The following KCNH1 variants were observed in gnomAD, a reference collection of about 807,000 sequenced individuals.
KCNH1 encodes voltage-gated delayed rectifier potassium channel KCNH1.
Under a neutral mutation model 69.2 loss-of-function variants are expected in KCNH1, and 27 were observed. That is an observed-to-expected ratio of 0.39 (90% CI 0.29 to 0.54). KCNH1 has a LOEUF of 0.54. Among genes scored for constraint, KCNH1 ranks in the 20% least tolerant of loss-of-function variants. The pLI is 0.68. For missense variants in KCNH1, 798 were observed against 1,261.6 expected, an observed-to-expected ratio of 0.63 and a Z score of 5.57; for synonymous variants, 456 against 487.7, an observed-to-expected ratio of 0.93 and a Z score of 0.86.
chr1:210,849,264 T>C (rs1685629440), intron 7 of KCNH1, among the ~76,000 whole-genome samples: 1 of 152,190 alleles, frequency 6.6e-6, no homozygotes, highest in Admixed American at 6.5e-5. Flanking sequence ...TTCATTTGGA[T>C]TACCATTGCC....
At chr1:210,832,061 C>T (rs1447643542) in intron 7 of KCNH1, among the ~76,000 whole-genome samples, 1 of 152,046 alleles carries the variant, frequency 6.6e-6, no homozygotes, top group South Asian at 2.1e-4. Context: ...TTTCTCATGA[C>T]CTGTTTGCCA....
At chr1:210,943,238 C>T (rs1229384927) in intron 6 of KCNH1, among the ~76,000 whole-genome samples, 1 of 152,168 alleles carries the variant, frequency 6.6e-6, no homozygotes, top group South Asian at 2.1e-4. Context: ...CCAGCCAAAC[C>T]AGCCTACTAT....
intron 9 of KCNH1, among the ~76,000 whole-genome samples, chr1:210,780,230 A>G (rs1328568259): frequency 1.3e-5 from 2 of 152,216 alleles, no homozygotes; most frequent in African/African-American, 4.8e-5. Context: ...GTTTATTCAA[A>G]GACAGGCTCT....
chr1:210,804,267 G>C (rs1456550569), intron 7 of KCNH1, 101 bp from the exon 8 acceptor site: 16 of 953,990 alleles, frequency 1.7e-5, no homozygotes, highest in Admixed American at 4.2e-5. Flanking sequence ...CCAATGGCCA[G>C]AGCTGTCCCT....
chr1:211,092,080 A>G (rs1233666701), intron 3 of KCNH1, among the ~76,000 whole-genome samples: 2 of 152,258 alleles, frequency 1.3e-5, no homozygotes, highest in Admixed American at 6.5e-5. Context: ...AAATCAAAAT[A>G]AAGTAGCTAT....
chr1:210,961,821 C>T (rs541580607), intron 6 of KCNH1, among the ~76,000 whole-genome samples: 1 of 146,090 alleles, frequency 6.8e-6, no homozygotes, highest in African/African-American at 2.5e-5. Flanking sequence ...ACCTGGGAAA[C>T]AAGAGCAAAA....
chr1:211,065,295 T>C (rs1407046650), intron 5 of KCNH1, among the ~76,000 whole-genome samples: 1 of 152,194 alleles, frequency 6.6e-6, no homozygotes, highest in Non-Finnish European at 1.5e-5. Flanking sequence ...CAACGGAATA[T>C]TCAGCCATAA....
At chr1:211,087,308 G>T (rs1248405183) in intron 4 of KCNH1, among the ~76,000 whole-genome samples, 1 of 152,096 alleles carries the variant, frequency 6.6e-6, no homozygotes, top group Non-Finnish European at 1.5e-5. Flanking sequence ...AAATGAATTT[G>T]CTCCTTTAAT....
At chr1:210,779,588 A>G (rs1393176995) in intron 9 of KCNH1, among the ~76,000 whole-genome samples, 1 of 152,210 alleles carries the variant, frequency 6.6e-6, no homozygotes, top group Non-Finnish European at 1.5e-5. Flanking sequence ...AAGGTACCCC[A>G]ATGCACTCAG....
intron 7 of KCNH1, chr1:210,859,675 C>T (rs1685932538): frequency 3.1e-6 from 4 of 1,293,720 alleles, no homozygotes; most frequent in Non-Finnish European, 4.5e-6. Context: ...TCTTTTTAAT[C>T]CATTAAATAA....
At chr1:210,992,944 C>T (rs778517529) in intron 6 of KCNH1, among the ~76,000 whole-genome samples, 2 of 152,146 alleles carry the variant, frequency 1.3e-5, no homozygotes, top group Non-Finnish European at 2.9e-5. Flanking sequence ...TGTCTTTGCA[C>T]GAGTAGGGAG....
intron 7 of KCNH1, among the ~76,000 whole-genome samples, chr1:210,903,291 T>C (rs903303212): frequency 6.6e-6 from 1 of 152,234 alleles, no homozygotes; most frequent in Non-Finnish European, 1.5e-5. Flanking sequence ...CCTCTTAGAC[T>C]GCTGCCTCTG....
At chr1:211,059,634 T>A (rs1690391512) in intron 5 of KCNH1, among the ~76,000 whole-genome samples, 3 of 151,896 alleles carry the variant, frequency 2.0e-5, no homozygotes, top group Middle Eastern at 3.4e-3. Context: ...TCCCAGCTAC[T>A]CGGGAGGCTG....
intron 6 of KCNH1, among the ~76,000 whole-genome samples, chr1:210,950,750 G>T (rs944080966): frequency 6.6e-6 from 1 of 152,136 alleles, no homozygotes; most frequent in Non-Finnish European, 1.5e-5. Flanking sequence ...TCATGTGACA[G>T]ATATATCATC....
chr1:210,996,054 G>A (rs11579078), intron 6 of KCNH1, among the ~76,000 whole-genome samples: 50,235 of 152,082 alleles, frequency 0.33, 8,711 homozygotes, highest in Non-Finnish European at 0.38. Flanking sequence ...CTCCCAGCGT[G>A]AGCGACGGAG....
intron 10 of KCNH1, among the ~76,000 whole-genome samples, chr1:210,749,479 C>CA (rs1289006966): frequency 6.6e-6 from 1 of 152,188 alleles, no homozygotes; most frequent in East Asian, 1.9e-4. Context: ...CCCAAGTCCT[C>CA]AGTGTCAGGG....
chr1:210,996,884 C>T (rs561038082), intron 6 of KCNH1, among the ~76,000 whole-genome samples: 19 of 152,316 alleles, frequency 1.2e-4, no homozygotes, highest in East Asian at 5.8e-4. Context: ...CTGCAGCCAC[C>T]GCTGCTGATA....
chr1:210,891,112 T>A (rs1470237957), intron 7 of KCNH1, among the ~76,000 whole-genome samples: 2 of 152,232 alleles, frequency 1.3e-5, no homozygotes, highest in Admixed American at 1.3e-4. Context: ...GCGGCACTAT[T>A]CACAAAAGCA....
intron 6 of KCNH1, among the ~76,000 whole-genome samples, chr1:211,010,418 C>A (rs1689372412): frequency 6.6e-6 from 1 of 152,118 alleles, no homozygotes; most frequent in African/African-American, 2.4e-5. Flanking sequence ...TCTTTGTGCC[C>A]ACATGATAAA....
Sources: gnomAD v4.1 joint callset for allele counts (sites outside exome capture counted in the v4.1 genomes callset) on GRCh38, gnomAD v4.1.1 for gene constraint, MANE v1.5 for transcripts, NCBI Gene and HGNC (gene_info 2026-07-23, HGNC 2026-07-21) for gene names.